TBC1D32: variants seen among roughly 807,000 people sequenced by gnomAD.
The protein encoded by TBC1D32 is TBC1 domain family member 32, also known as protein broad-minded.
In TBC1D32, 151 loss-of-function variants were observed where a neutral mutation model predicts 170.3. The ratio of observed to expected loss-of-function variants is 0.89; its 90% CI spans 0.78 to 1.01. The LOEUF is 1.01. TBC1D32 is among the 50% of genes least tolerant of loss of function. The pLI is 0.00. For synonymous variants in TBC1D32, 498 were observed against 488.0 expected, an observed-to-expected ratio of 1.02 and a Z score of -0.27; for missense variants, 1,464 against 1,457.1, an observed-to-expected ratio of 1.00 and a Z score of -0.08.
intron 20 of TBC1D32, among the ~76,000 whole-genome samples, chr6:121,223,769 GCTAT>G (rs1234298989): frequency 6.6e-6 from 1 of 152,068 alleles, no homozygotes; most frequent in Non-Finnish European, 1.5e-5. Context: ...AGACCATGAG[GCTAT>G]CTTTTAACTA....
intron 29 of TBC1D32, 111 bp downstream of exon 29, chr6:121,112,394 T>C: frequency 3.2e-6 from 3 of 939,484 alleles, no homozygotes; most frequent in Non-Finnish European, 4.5e-6. Context: ...AGTAGAAAAA[T>C]GAGTATAATT....
At chr6:121,333,979 A>C (rs1007295030) in intron 1 of TBC1D32, among the ~76,000 whole-genome samples, 1 of 152,174 alleles carries the variant, frequency 6.6e-6, no homozygotes, top group Non-Finnish European at 1.5e-5. Flanking sequence ...AGGCTGGAGA[A>C]TCGCTTGAAC....
At chr6:121,096,945 G>C (rs1777485916) in intron 30 of TBC1D32, among the ~76,000 whole-genome samples, 1 of 152,134 alleles carries the variant, frequency 6.6e-6, no homozygotes, top group South Asian at 2.1e-4. Context: ...AAGCAGTGGG[G>C]AAAGGATTCC....
intron 23 of TBC1D32, 36 bp from the exon 24 acceptor site, chr6:121,160,139 G>T: frequency 7.9e-7 from 1 of 1,270,178 alleles, no homozygotes; most frequent in Non-Finnish European, 1.1e-6. Context: ...TTTAGGAAGT[G>T]GTCTAAAATA....
chr6:121,253,305 G>A (rs558702707), intron 17 of TBC1D32, among the ~76,000 whole-genome samples: 53 of 151,282 alleles, frequency 3.5e-4, no homozygotes, highest in African/African-American at 1.2e-3. Flanking sequence ...AGGACATGAA[G>A]AAACAATTCT....
chr6:121,233,519 A>G lies in TBC1D32; in HGVS notation c.2364+5551T>C, dbSNP rs139142853. ...TAAAGTTTGCTTTGTCTGATATAAG[A>G]ATAGCTACTCCTGCTCACTTTTAGT... On this transcript the variant is annotated intron_variant, in intron 20 of 31. Coordinates refer to ENST00000398212, the MANE Select transcript of TBC1D32 (RefSeq NM_152730.6). Among the ~76,000 whole-genome samples the G allele has an allele frequency of 5.6e-3, 859 of 152,242 alleles. 8 individuals carry two copies. The highest frequency in any genetic ancestry group is 6.2e-3 in the Non-Finnish European group (419 of 68,002).
In TBC1D32 at chr6:121,091,056, A is replaced by AAG; in HGVS notation, c.3466-16_3466-15insCT. ...TGCAGGCAAATCTTTAAAAAAAAAA[A>AAG]GTAGTAAGTTCATTAAAAAATTTAT... On this transcript the variant is annotated splice_polypyrimidine_tract_variant and intron_variant, in intron 30 of 31. Transcript: ENST00000398212. 1 of 1,561,040 alleles carries AAG rather than the reference A, an allele frequency of 6.4e-7. No individual in the cohort carries two copies. The highest frequency in any genetic ancestry group is 1.2e-5 in the South Asian group (1 of 83,960).
chr6:121,204,553 G>A (rs1264913084), intron 22 of TBC1D32, among the ~76,000 whole-genome samples: 1 of 151,248 alleles, frequency 6.6e-6, no homozygotes, highest in East Asian at 1.9e-4. Context: ...AATTTCATGA[G>A]TCCCTGTAGC....
At chr6:121,308,507 T>C (rs1051955595) in intron 4 of TBC1D32, among the ~76,000 whole-genome samples, 68 of 151,978 alleles carry the variant, frequency 4.5e-4, no homozygotes, top group Non-Finnish European at 1.2e-4. Context: ...GATATGCCCC[T>C]GGCAAAGCAT....
intron 22 of TBC1D32, among the ~76,000 whole-genome samples, chr6:121,189,879 G>T (rs1157911815): frequency 6.6e-6 from 1 of 151,890 alleles, no homozygotes; most frequent in Non-Finnish European, 1.5e-5. Context: ...AGGACACTAA[G>T]AATTTTGCAC....
rs1439932763 is a variant in TBC1D32 at position 121,158,291 on chromosome 6, C to T, written c.2773+1719G>A. 5.3e-5 allele frequency among the ~76,000 whole-genome samples: 8 copies of T among 152,164 alleles called. No individual in the cohort carries two copies. The East Asian group carries it at 1.2e-3, about 22-fold the overall frequency. ...AGCTTGGTCTATTCTGCTATTAATA[C>T]TTCTGACTATGCTTTAGGACTAATT... On this transcript the variant is annotated intron_variant, in intron 24 of 31. Coordinates refer to ENST00000398212, the MANE Select transcript of TBC1D32 (RefSeq NM_152730.6).
chr6:121,162,204 C>G (rs1785792286), intron 22 of TBC1D32, among the ~76,000 whole-genome samples: 1 of 152,118 alleles, frequency 6.6e-6, no homozygotes, highest in Non-Finnish European at 1.5e-5. Context: ...CTAATTAGAT[C>G]CCATTTGTCA....
rs192678855 is a variant in TBC1D32, at chr6:121,326,425, C to T, written c.156-4631G>A. ...TACACTAATTACCTTGATCTGACCG[C>T]TATACATGTATGGAAACATCACTAT... On this transcript the variant is annotated intron_variant, in intron 1 of 31. Coordinates refer to ENST00000398212, the MANE Select transcript of TBC1D32 (RefSeq NM_152730.6). 1.2e-4 allele frequency among the ~76,000 whole-genome samples: 18 copies of T among 152,198 alleles called. No individual in the cohort carries two copies. The East Asian group carries it at 3.3e-3, about 28-fold the overall frequency.
At chr6:121,228,080 A>G (rs1795281827) in intron 20 of TBC1D32, among the ~76,000 whole-genome samples, 1 of 152,240 alleles carries the variant, frequency 6.6e-6, no homozygotes, top group South Asian at 2.1e-4. Context: ...AAATCATAAT[A>G]TTCACTTATT....
At chr6:121,218,988 T>A (rs1794180475) in intron 21 of TBC1D32, among the ~76,000 whole-genome samples, 1 of 152,180 alleles carries the variant, frequency 6.6e-6, no homozygotes. Context: ...TCCTTTTACG[T>A]TATCCAGTCT....
chr6:121,282,535 C>A (rs1306789514), intron 13 of TBC1D32, among the ~76,000 whole-genome samples: 1 of 151,624 alleles, frequency 6.6e-6, no homozygotes, highest in Non-Finnish European at 1.5e-5. Flanking sequence ...GACTTCAGGT[C>A]AATATCTGAC....
At chr6:121,131,808 T>C in intron 24 of TBC1D32, 56 bp from the exon 25 acceptor site, 1 of 1,382,980 alleles carries the variant, frequency 7.2e-7, no homozygotes, top group Non-Finnish European at 9.9e-7. Flanking sequence ...TACTGAAAAA[T>C]TATTAATGTT....
At chr6:121,152,204 A>G (rs56790796) in intron 24 of TBC1D32, among the ~76,000 whole-genome samples, 5,915 of 152,222 alleles carry the variant, frequency 0.039, 335 homozygotes, top group African/African-American at 0.12. Context: ...CTGGAGTGAC[A>G]AAATCCCTCA....
intron 1 of TBC1D32, among the ~76,000 whole-genome samples, chr6:121,326,009 CAT>C (rs1341893124): frequency 6.6e-6 from 1 of 152,114 alleles, no homozygotes; most frequent in South Asian, 2.1e-4. Flanking sequence ...AGCCAACAAA[CAT>C]ATGAAAAAAT....
Sources: gnomAD v4.1 joint callset for allele counts (sites outside exome capture counted in the v4.1 genomes callset) on GRCh38, gnomAD v4.1.1 for gene constraint, MANE v1.5 for transcripts, NCBI Gene and HGNC (gene_info 2026-07-23, HGNC 2026-07-21) for gene names.